The following SLC9A1 variants were observed in gnomAD, a reference collection of about 807,000 sequenced individuals.
SLC9A1 encodes solute carrier family 9 member A1.
SLC9A1 carries 22 observed loss-of-function variants against 67.9 expected under a neutral mutation model. That is an observed-to-expected ratio of 0.32 (90% CI 0.23 to 0.46). The LOEUF is 0.46. SLC9A1 is among the 20% of genes least tolerant of loss of function. The pLI is 1.00. For missense variants in SLC9A1, 686 were observed against 1,094.8 expected, an observed-to-expected ratio of 0.63 and a Z score of 5.27; for synonymous variants, 421 against 471.8, an observed-to-expected ratio of 0.89 and a Z score of 1.40.
Position 27,109,830 on chromosome 1 carries a change from G to T in SLC9A1, c.814-53C>A, listed in dbSNP as rs1014018706. 1 of 1,601,586 alleles carries T rather than the reference G, an allele frequency of 6.2e-7. No homozygotes were observed. Among genetic ancestry groups the T allele is most frequent in the Non-Finnish European group, 8.5e-7 (1 of 1,172,938 alleles). ...GGGAGGAGAGGGCCCTGGCCCCACG[G>T]TTCCCTGGGGTCCACCCAGGGCAAT... On this transcript the variant is annotated intron_variant, in intron 2 of 11. Coordinates refer to ENST00000263980, the MANE Select transcript of SLC9A1 (RefSeq NM_003047.5). This position sits in a 1 kb window ranked among gnomAD's most constrained non-coding sequence, Gnocchi z 5.5.
chr1:27,125,198 A>AATC (rs985127793), intron 1 of SLC9A1, among the ~76,000 whole-genome samples: 4 of 149,182 alleles, frequency 2.7e-5, no homozygotes, highest in Middle Eastern at 3.5e-3. Context: ...AGCAGCATCC[A>AATC]ATCAGTCTCT....
intron 1 of SLC9A1, among the ~76,000 whole-genome samples, chr1:27,135,142 TG>T (rs2083411419): frequency 6.7e-6 from 1 of 150,022 alleles, no homozygotes; most frequent in Non-Finnish European, 1.5e-5. Flanking sequence ...CTCGACCTCT[TG>T]AGCTCAAGCA....
Position 27,154,081 on chromosome 1 carries a change from G to A in SLC9A1, c.254C>T (p.Pro85Leu), listed in dbSNP as rs758858110. The A allele has an allele frequency of 1.8e-5, 29 of 1,613,804 alleles. No individual in the cohort carries two copies. The highest frequency in any genetic ancestry group is 2.4e-5 in the Non-Finnish European group (28 of 1,179,890). The change falls in exon 1 of 12, where the codon CCG (proline) becomes CTG (leucine). Residue 85 changes from proline to leucine, a missense_variant. Coordinates refer to ENST00000263980, the MANE Select transcript of SLC9A1 (RefSeq NM_003047.5). Reference sequence around the variant, plus strand: ...GCCCAGGACTGGAAAGGCCTTGCGCGGCTTCATGCCATGATCAGTGACGGA... The same window carrying A: ...GCCCAGGACTGGAAAGGCCTTGCGCAGCTTCATGCCATGATCAGTGACGGA... ...NHSVTDHGMK[P>L]RKAFPVLGID...
At chr1:27,115,622 G>A (rs2083267501) in intron 1 of SLC9A1, among the ~76,000 whole-genome samples, 1 of 151,872 alleles carries the variant, frequency 6.6e-6, no homozygotes, top group African/African-American at 2.4e-5. Flanking sequence ...ACACCAGCTT[G>A]TACAACATAG....
chr1:27,147,043 G>A (rs557746584), intron 1 of SLC9A1, among the ~76,000 whole-genome samples: 13 of 151,920 alleles, frequency 8.6e-5, no homozygotes, highest in African/African-American at 2.9e-4. Flanking sequence ...AGGCTGAGGC[G>A]GGCAGATCAC....
At chr1:27,105,698 A>G in intron 5 of SLC9A1, 187 bp downstream of exon 5, 1 of 718,170 alleles carries the variant, frequency 1.4e-6, no homozygotes, top group African/African-American at 1.7e-5. Flanking sequence ...ACTCATCACA[A>G]TTCTCACTTT....
intron 1 of SLC9A1, among the ~76,000 whole-genome samples, chr1:27,123,529 G>A (rs1041530932): frequency 2.6e-4 from 39 of 151,094 alleles, no homozygotes; most frequent in African/African-American, 9.0e-4. Flanking sequence ...TTTAGACAGA[G>A]TCTCGCTCTG....
rs572037216 is a variant in SLC9A1 at position 27,131,875 on chromosome 1, G to A, written c.353-17589C>T. On this transcript the variant is annotated intron_variant, in intron 1 of 11. Coordinates refer to ENST00000263980, the MANE Select transcript of SLC9A1 (RefSeq NM_003047.5). ...GGCAGAGGTTGCAGTGAGCATAGAC[G>A]GCACCACTGCATTCTAGCCTGGGCA... Among the ~76,000 whole-genome samples, 8 of 145,026 alleles carry A rather than the reference G, an allele frequency of 5.5e-5. No homozygotes were observed. In the South Asian group the frequency reaches 6.4e-4, roughly 12 times the overall value.
Position 27,109,693 on chromosome 1 carries a change from C to T in SLC9A1, c.898G>A (p.Val300Met), listed in dbSNP as rs527454172. Residue 300 changes from valine (V) to methionine (M), a missense_variant, in exon 3 of 12, where the codon GTG becomes ATG. By Grantham distance (21) the Val-to-Met change is conservative (BLOSUM62 1). This residue lies in a region of SLC9A1 where 58 missense variants were observed against 68.9 expected (regional missense o/e 0.84). Transcript: ENST00000263980. The surrounding 1 kb of genome is among the most constrained non-coding windows in gnomAD (Gnocchi z 5.5). ...ACAAGCACCCCGCCCAGGGCCACCA[C>T]GAAGAAGCTCAGGAAGCCGAGGAAG... Reference protein sequence around the residue: ...DIFLGFLSFFVVALGGVLVGV... With the variant: ...DIFLGFLSFFMVALGGVLVGV... 2.2e-5 allele frequency: 36 copies of T among 1,614,004 alleles called. No homozygotes were observed. The highest frequency in any genetic ancestry group is 4.5e-5 in the East Asian group (2 of 44,868).
rs1248679154 is a variant in SLC9A1 at position 27,099,807 on chromosome 1, G to A, written c.*500C>T. ...CAGGGTGACAGAGCTGGCAGGAGGA[G>A]TGTGAGACCTTGGTGGGTCAGCAGT... is the stretch of plus-strand genomic sequence containing the variant. On this transcript the variant is annotated 3_prime_UTR_variant, in exon 12 of 12. Transcript: ENST00000263980. The A allele has an allele frequency of 6.5e-6, 1 of 154,740 alleles. No individual in the cohort carries two copies. The highest frequency in any genetic ancestry group is 6.5e-5 in the Admixed American group (1 of 15,370). 9.6% of individuals were successfully genotyped at this position (154,740 alleles called of 1,614,324 possible). A position where few individuals can be genotyped will look rare whatever the true frequency, so the allele number is the denominator to read the frequency against.
chr1:27,113,886 G>A lies in SLC9A1; in HGVS notation c.753C>T (p.Ile251=). ...AAACAAGGATGTGCAGCAGCTCATTGATGTGAATTTCCTCAAAGACAGCCA... is the reference window on the plus strand; with the variant it reads ...AAACAAGGATGTGCAGCAGCTCATTAATGTGAATTTCCTCAAAGACAGCCA... ...AVLAVFEEIH[I]NELLHILVFG... Residue 251 remains isoleucine (I), a synonymous_variant, in exon 2 of 12, where the codon ATC becomes ATT. Transcript: ENST00000263980. 4 of 1,614,230 alleles carry A rather than the reference G, an allele frequency of 2.5e-6. No homozygotes were observed. The highest frequency in any genetic ancestry group is 1.7e-5 in the Admixed American group (1 of 60,028).
chr1:27,146,513 T>A (rs1014128738), intron 1 of SLC9A1, among the ~76,000 whole-genome samples: 1 of 152,226 alleles, frequency 6.6e-6, no homozygotes, highest in African/African-American at 2.4e-5. Flanking sequence ...AATCAGGGCA[T>A]GAGGATGAAA....
Position 27,103,414 on chromosome 1 carries a change from T to TCTCTG in SLC9A1, c.1486-107_1486-103dup, listed in dbSNP as rs2083161863. The TCTCTG allele has an allele frequency of 1.3e-4, 110 of 827,754 alleles. 3 individuals carry two copies. Among genetic ancestry groups the TCTCTG allele is most frequent in the South Asian group, 1.1e-3 (81 of 74,926 alleles). The allele number at this position is 827,754 out of a possible 1,614,324, so 51.3% of individuals were successfully genotyped here. A position where few individuals can be genotyped will look rare whatever the true frequency, so the allele number is the denominator to read the frequency against. On this transcript the variant is annotated intron_variant, in intron 5 of 11. Transcript: ENST00000263980. ...CCAGGCCCCCAAGGCTAGGATGCCC[T>TCTCTG]CTCTGCTCTGCTCTCTCCCAGGACC...
intron 1 of SLC9A1, among the ~76,000 whole-genome samples, chr1:27,152,812 C>T (rs1329600684): frequency 5.9e-5 from 9 of 152,132 alleles, no homozygotes; most frequent in South Asian, 2.1e-4. Context: ...CACACCAGCC[C>T]GGCAGCACCG....
At chr1:27,136,557 C>A (rs1347022420) in intron 1 of SLC9A1, among the ~76,000 whole-genome samples, 6 of 152,182 alleles carry the variant, frequency 3.9e-5, no homozygotes, top group Non-Finnish European at 7.3e-5. Context: ...TCAGCTCCCC[C>A]AGAAGCACCT....
In SLC9A1 at chr1:27,118,545, C is replaced by A. The variant is rs2083286051; in HGVS notation, c.353-4259G>T. Among the ~76,000 whole-genome samples, 1 of 152,136 alleles carries A rather than the reference C, an allele frequency of 6.6e-6. No homozygotes were observed. Among genetic ancestry groups the A allele is most frequent in the Admixed American group, 6.5e-5 (1 of 15,270 alleles). ...GACACCCGGTGTGGTGAAAGGGGCA[C>A]AGAAGGATGGCTGCGGCCCCTGGTA... On this transcript the variant is annotated intron_variant, in intron 1 of 11. Coordinates refer to ENST00000263980, the MANE Select transcript of SLC9A1 (RefSeq NM_003047.5). The surrounding 1 kb of genome is among the most constrained non-coding windows in gnomAD (Gnocchi z 4.3).
intron 1 of SLC9A1, among the ~76,000 whole-genome samples, chr1:27,120,014 G>A (rs1180547003): frequency 6.6e-6 from 1 of 152,018 alleles, no homozygotes; most frequent in Non-Finnish European, 1.5e-5. Flanking sequence ...GAAGGTTGCA[G>A]TGAGCCAAGA....
intron 1 of SLC9A1, among the ~76,000 whole-genome samples, chr1:27,129,193 G>A (rs971350092): frequency 6.6e-6 from 1 of 152,158 alleles, no homozygotes; most frequent in Non-Finnish European, 1.5e-5. Context: ...CCAGCAAGAT[G>A]GGTGAGCTTT....
At chr1:27,151,961 T>C (rs2083531474) in intron 1 of SLC9A1, among the ~76,000 whole-genome samples, 1 of 152,054 alleles carries the variant, frequency 6.6e-6, no homozygotes, top group Non-Finnish European at 1.5e-5. Context: ...CAAGGCTGAG[T>C]GACTTGCCAG....
Sources: gnomAD v4.1 joint callset for allele counts (sites outside exome capture counted in the v4.1 genomes callset) on GRCh38, gnomAD v4.1.1 for gene constraint, gnomAD v4.1.1 regional missense constraint, Gnocchi (gnomAD v3.1) non-coding constraint, MANE v1.5 for transcripts, NCBI Gene and HGNC (gene_info 2026-07-23, HGNC 2026-07-21) for gene names.